IL1R2: variants seen among roughly 807,000 people sequenced by gnomAD.
The protein encoded by IL1R2 is interleukin-1 receptor type 2.
In IL1R2, 46 loss-of-function variants were observed where a neutral mutation model predicts 39.5. The ratio of observed to expected loss-of-function variants is 1.16; its 90% CI spans 0.92 to 1.49. The LOEUF (loss-of-function observed/expected upper bound fraction) is 1.49. Among genes scored for constraint, IL1R2 ranks in the 40% most tolerant of loss-of-function variants. IL1R2 has a pLI of 0.00. For missense variants in IL1R2, 537 were observed against 502.0 expected (o/e 1.07, Z -0.67); for synonymous variants, 207 against 189.6 (o/e 1.09, Z -0.75).
rs3218978 is a variant in IL1R2, at chr2:102,025,338, T to G, written c.887+670T>G. Among the ~76,000 whole-genome samples, 1,384 of 152,330 alleles carry G rather than the reference T, an allele frequency of 9.1e-3. 22 individuals are homozygous for G. The highest frequency in any genetic ancestry group is 0.031 in the African/African-American group (1,305 of 41,568). ...CAAATGGTTGTGTTTTTTGAAAGAC[T>G]TATCACAAAAGATCTTTCTGGATGT... On this transcript the variant is annotated intron_variant, in intron 7 of 8. Coordinates refer to ENST00000332549, the MANE Select transcript of IL1R2 (RefSeq NM_004633.4).
intron 4 of IL1R2, among the ~76,000 whole-genome samples, chr2:102,017,902 G>A (rs911634446): frequency 1.3e-5 from 2 of 152,162 alleles, no homozygotes; most frequent in South Asian, 4.1e-4. Context: ...ATACTGAAAA[G>A]TACAGTTATT....
intron 3 of IL1R2, among the ~76,000 whole-genome samples, chr2:102,012,953 T>TAA (rs954475453): frequency 1.2e-4 from 18 of 152,184 alleles, no homozygotes; most frequent in Admixed American, 1.1e-3. Flanking sequence ...AGTTTTCCTG[T>TAA]AAAGAAGTTT....
At chr2:102,002,516 T>C (rs1314296986) in intron 1 of IL1R2, among the ~76,000 whole-genome samples, 1 of 151,552 alleles carries the variant, frequency 6.6e-6, no homozygotes, top group Admixed American at 6.6e-5. Flanking sequence ...TGTCTGTGTC[T>C]ATGTGTAGGT....
chr2:102,024,712 C>T (rs1677629811), intron 7 of IL1R2, 44 bp downstream of exon 7: 4 of 1,612,124 alleles, frequency 2.5e-6, no homozygotes, highest in African/African-American at 1.3e-5. Flanking sequence ...GTGGGTTTCG[C>T]TCTTCCTTTT....
chr2:102,011,376 C>T (rs531793565), intron 3 of IL1R2, among the ~76,000 whole-genome samples: 1 of 152,352 alleles, frequency 6.6e-6, no homozygotes, highest in East Asian at 1.9e-4. Context: ...CTCAATTTCT[C>T]TACATACTCA....
chr2:102,002,415 T>C (rs905286271), intron 1 of IL1R2, among the ~76,000 whole-genome samples: 3 of 151,480 alleles, frequency 2.0e-5, no homozygotes, highest in Non-Finnish European at 4.4e-5. Flanking sequence ...TCTATGTCTA[T>C]GTCTATGTCT....
intron 1 of IL1R2, among the ~76,000 whole-genome samples, chr2:102,003,955 C>G (rs1160538984): frequency 6.6e-6 from 1 of 151,990 alleles, no homozygotes; most frequent in Non-Finnish European, 1.5e-5. Flanking sequence ...GTGTCTGTGT[C>G]TGTGTCTAGG....
At chr2:102,003,706 A>G (rs1676067431) in intron 1 of IL1R2, among the ~76,000 whole-genome samples, 1 of 137,660 alleles carries the variant, frequency 7.3e-6, no homozygotes, top group African/African-American at 2.8e-5. Flanking sequence ...GCCTATGTCT[A>G]TGTCTGTGTC....
chr2:102,025,801 T>G (rs1025346550), intron 7 of IL1R2, among the ~76,000 whole-genome samples: 1 of 151,222 alleles, frequency 6.6e-6, no homozygotes, highest in Non-Finnish European at 1.5e-5. Context: ...CCCATGACTG[T>G]TTTTTTTTGT....
chr2:102,013,567 G>GAAAAAAAAAAAAAAAAAAAAAA (rs1676792615), intron 3 of IL1R2, among the ~76,000 whole-genome samples: 1 of 30,080 alleles, frequency 3.3e-5, no homozygotes, highest in African/African-American at 1.3e-4. Flanking sequence ...AGAAAGAAAA[G>GAAAAAAAAAAAAAAAAAAAAAA]AAAAGAAGGA....
chr2:102,002,758 A>ATCTATG (rs1268223708), intron 1 of IL1R2, among the ~76,000 whole-genome samples: 4 of 147,156 alleles, frequency 2.7e-5, no homozygotes, highest in African/African-American at 1.0e-4. Flanking sequence ...CTATATCTAT[A>ATCTATG]TCTATATCTA....
At chr2:102,021,765 T>G (rs970764459) in intron 5 of IL1R2, among the ~76,000 whole-genome samples, 4 of 152,234 alleles carry the variant, frequency 2.6e-5, no homozygotes, top group African/African-American at 9.6e-5. Flanking sequence ...GTGCCTTTTC[T>G]AGAAGAACTG....
chr2:102,003,006 C>A (rs1385917240), intron 1 of IL1R2, among the ~76,000 whole-genome samples: 1 of 125,404 alleles, frequency 8.0e-6, no homozygotes, highest in African/African-American at 2.6e-5. Flanking sequence ...ATGTCTATGT[C>A]TGTGTCTGTG....
Position 102,008,608 on chromosome 2 carries a change from T to C in IL1R2, c.33T>C (p.Val11=). The change falls in exon 2 of 9, where the codon GTT becomes GTC. Residue 11 remains valine, a synonymous_variant. Transcript: ENST00000332549. Reference sequence around the variant, plus strand: ...GCTTGTACGTGTTGGTAATGGGAGTTTCTGCCTTCACCCTTCAGCCTGCGG... The same window carrying C: ...GCTTGTACGTGTTGGTAATGGGAGTCTCTGCCTTCACCCTTCAGCCTGCGG... MLRLYVLVMG[V]SAFTLQPAAH... is the part of the protein sequence containing the mutation. The C allele has an allele frequency of 1.9e-6, 3 of 1,614,132 alleles. No individual in the cohort carries two copies. Among genetic ancestry groups the C allele is most frequent in the Non-Finnish European group, 1.7e-6 (2 of 1,180,010 alleles).
At chr2:101,996,614 A>T (rs1276596688) in intron 1 of IL1R2, among the ~76,000 whole-genome samples, 1 of 149,820 alleles carries the variant, frequency 6.7e-6, no homozygotes, top group Non-Finnish European at 1.5e-5. Flanking sequence ...CATTTTCCAG[A>T]GAGTGGAAGA....
rs3218951 is a variant in IL1R2 at position 102,020,742 on chromosome 2, G to C, written c.688+930G>C. On this transcript the variant is annotated intron_variant, in intron 5 of 8. Transcript: ENST00000332549. Reference sequence around the variant, plus strand: ...AGGCCACTGACTCAGGTCTCCTGAGGCTTTCCGTGGACCGGCACGGTCCTG... The same window carrying C: ...AGGCCACTGACTCAGGTCTCCTGAGCCTTTCCGTGGACCGGCACGGTCCTG... Among the ~76,000 whole-genome samples the C allele has an allele frequency of 8.5e-3, 1,291 of 152,254 alleles. 20 individuals are homozygous for C. Among genetic ancestry groups the C allele is most frequent in the African/African-American group, 0.03 (1,236 of 41,532 alleles).
intron 1 of IL1R2, among the ~76,000 whole-genome samples, chr2:101,999,983 T>C (rs1265130156): frequency 3.3e-5 from 5 of 152,210 alleles, no homozygotes; most frequent in African/African-American, 1.2e-4. Flanking sequence ...GTTGTACATA[T>C]TTTTAGTATA....
At chr2:102,007,272 A>C (rs932981795) in intron 1 of IL1R2, among the ~76,000 whole-genome samples, 2 of 152,112 alleles carry the variant, frequency 1.3e-5, no homozygotes, top group African/African-American at 4.8e-5. Flanking sequence ...AAACTTGTAC[A>C]AGCTATTTCT....
rs3218934 is a variant in IL1R2, at chr2:102,018,599, C to A, written c.514-1039C>A. The stretch of plus-strand genomic sequence containing the variant: ...TTCATAATAATGATACCTATTACTG[C>A]GCATGTACTATATCCAAGCCTGTTC... On this transcript the variant is annotated intron_variant, in intron 4 of 8. Transcript: ENST00000332549. Among the ~76,000 whole-genome samples the A allele has an allele frequency of 4.6e-5, 7 of 152,198 alleles. No individual in the cohort carries two copies. The South Asian group carries it at 1.4e-3, about 32-fold the overall frequency.
Sources: gnomAD v4.1 joint callset for allele counts (sites outside exome capture counted in the v4.1 genomes callset) on GRCh38, gnomAD v4.1.1 for gene constraint, MANE v1.5 for transcripts, NCBI Gene and HGNC (gene_info 2026-07-23, HGNC 2026-07-21) for gene names.